The following MAP4 variants were observed in gnomAD, a reference collection of about 807,000 sequenced individuals.
MAP4 encodes the protein microtubule associated protein 4.
A neutral mutation model predicts 170.2 loss-of-function variants in MAP4; 76 were observed. The ratio of observed to expected loss-of-function variants is 0.45; its 90% CI spans 0.37 to 0.54. MAP4 has a LOEUF of 0.54. Among genes scored for constraint, MAP4 ranks in the 20% least tolerant of loss-of-function variants. The pLI, the probability that MAP4 is intolerant of heterozygous loss-of-function variation, is 0.00. For synonymous variants in MAP4, 909 were observed against 994.5 expected, an observed-to-expected ratio of 0.91 and a Z score of 1.62; for missense variants, 2,506 against 2,748.0, an observed-to-expected ratio of 0.91 and a Z score of 1.97.
intron 19 of MAP4, among the ~76,000 whole-genome samples, chr3:47,854,347 G>A (rs1212839947): frequency 1.3e-5 from 2 of 152,198 alleles, no homozygotes; most frequent in Non-Finnish European, 2.9e-5. Flanking sequence ...GACCCCCCCA[G>A]ATGTTCCTGG....
At chr3:48,033,672 C>T (rs1439953047) in intron 1 of MAP4, among the ~76,000 whole-genome samples, 1 of 152,160 alleles carries the variant, frequency 6.6e-6, no homozygotes, top group East Asian at 1.9e-4. Flanking sequence ...AGGATCTCAG[C>T]TCACTGCAAC....
intron 1 of MAP4, among the ~76,000 whole-genome samples, chr3:48,061,813 C>T (rs1162204931): frequency 6.8e-6 from 1 of 147,942 alleles, no homozygotes; most frequent in African/African-American, 2.5e-5. Context: ...CCCCACCCGG[C>T]CAGCCGCCCC....
At chr3:48,036,474 T>G (rs545984446) in intron 1 of MAP4, among the ~76,000 whole-genome samples, 43 of 152,316 alleles carry the variant, frequency 2.8e-4, no homozygotes, top group African/African-American at 1.0e-3. Flanking sequence ...TATTCATCAT[T>G]TATCATATTT....
Position 48,061,819 on chromosome 3 carries a change from G to A in MAP4, c.-20+26954C>T, listed in dbSNP as rs865844753. Among the ~76,000 whole-genome samples the A allele has an allele frequency of 1.4e-3, 178 of 130,692 alleles. 3 individuals are homozygous for A. The South Asian group carries it at 0.026, about 19-fold the overall frequency. 85.7% of individuals were successfully genotyped at this position (130,692 alleles called of 152,430 possible). ...GGGGGCAGCCCCCACCCGGCCAGCC[G>A]CCCCATCCGGGAGGGAGGTGGGGGG... On this transcript the variant is annotated intron_variant, in intron 1 of 18. Transcript: ENST00000360240.
rs148678674 is a variant in MAP4, at chr3:48,036,364, G to A, written c.-19-37485C>T. Reference sequence around the variant, plus strand: ...AGCTCCCTTCACCAACACCACTACCGACCTGACCCTCAAATGTAACACGTG... The same window carrying A: ...AGCTCCCTTCACCAACACCACTACCAACCTGACCCTCAAATGTAACACGTG... On this transcript the variant is annotated intron_variant, in intron 1 of 18. Transcript: ENST00000360240. Among the ~76,000 whole-genome samples, 1,252 of 152,134 alleles carry A rather than the reference G, an allele frequency of 8.2e-3. 21 individuals carry two copies. The highest frequency in any genetic ancestry group is 0.027 in the African/African-American group (1,117 of 41,510).
At chr3:47,940,496 T>C (rs2100055582) in intron 3 of MAP4, among the ~76,000 whole-genome samples, 1 of 152,212 alleles carries the variant, frequency 6.6e-6, no homozygotes, top group Admixed American at 6.5e-5. Flanking sequence ...AAAAAATACT[T>C]ACCACTACCA....
At chr3:47,881,971 T>C (rs2096842881) in intron 10 of MAP4, among the ~76,000 whole-genome samples, 1 of 152,102 alleles carries the variant, frequency 6.6e-6, no homozygotes, top group African/African-American at 2.4e-5. Context: ...CTCAGACCAT[T>C]TGCTTCTAAA....
intron 3 of MAP4, among the ~76,000 whole-genome samples, chr3:47,955,300 C>T (rs1316228937): frequency 6.6e-6 from 1 of 152,060 alleles, no homozygotes; most frequent in Non-Finnish European, 1.5e-5. Context: ...CAAGAACCAC[C>T]AGAAGCACAT....
rs115296302 is a variant in MAP4 at position 48,032,177 on chromosome 3, G to T, written c.-19-33298C>A. Among the ~76,000 whole-genome samples, 338 of 151,980 alleles carry T rather than the reference G, an allele frequency of 2.2e-3. 1 individual carries two copies. Among genetic ancestry groups the T allele is most frequent in the African/African-American group, 7.6e-3 (317 of 41,444 alleles). On this transcript the variant is annotated intron_variant, in intron 1 of 18. Transcript: ENST00000360240. ...TAAGTATGATAACTAAACATAATGT[G>T]GTATCCTAGATGAGATCCTAGAACA... is the stretch of plus-strand genomic sequence containing the variant.
intron 1 of MAP4, among the ~76,000 whole-genome samples, chr3:48,059,470 G>A (rs1394602550): frequency 1.4e-4 from 19 of 138,986 alleles, no homozygotes; most frequent in African/African-American, 3.7e-4. Flanking sequence ...AGCCGAGATC[G>A]TGCCACTGCA....
intron 1 of MAP4, among the ~76,000 whole-genome samples, chr3:48,037,965 G>C (rs1056616841): frequency 6.6e-6 from 1 of 152,050 alleles, no homozygotes; most frequent in Non-Finnish European, 1.5e-5. Context: ...TCAGGAGTTT[G>C]AAACCAGCCT....
At chr3:47,953,152 T>C (rs376912529) in intron 3 of MAP4, among the ~76,000 whole-genome samples, 2 of 152,238 alleles carry the variant, frequency 1.3e-5, no homozygotes, top group African/African-American at 4.8e-5. Flanking sequence ...TGACTATGCA[T>C]TTGTCAAATC....
chr3:48,007,453 T>A (rs1579176908), intron 1 of MAP4, among the ~76,000 whole-genome samples: 1 of 152,074 alleles, frequency 6.6e-6, no homozygotes, highest in South Asian at 2.1e-4. Context: ...CAGTTTTGAG[T>A]GGGGTCCAGA....
intron 1 of MAP4, among the ~76,000 whole-genome samples, chr3:48,054,876 A>G (rs929033897): frequency 2.0e-5 from 3 of 152,120 alleles, no homozygotes; most frequent in Admixed American, 6.6e-5. Context: ...CCAAGAAAGT[A>G]GCAGTCTAGC....
chr3:47,969,798 T>G, intron 3 of MAP4, among the ~76,000 whole-genome samples: 1 of 151,390 alleles, frequency 6.6e-6, no homozygotes, highest in East Asian at 1.9e-4. Flanking sequence ...AGGCAGAGCT[T>G]GCAGTGGGCC....
At chr3:48,075,500 C>G (rs1231163659) in intron 1 of MAP4, among the ~76,000 whole-genome samples, 1 of 151,932 alleles carries the variant, frequency 6.6e-6, no homozygotes, top group Non-Finnish European at 1.5e-5. Flanking sequence ...GCACTCCAGC[C>G]TGGGCAACGG....
chr3:47,928,070 A>G (rs1400959219), intron 4 of MAP4, among the ~76,000 whole-genome samples, 158 bp downstream of exon 4: 1 of 152,248 alleles, frequency 6.6e-6, no homozygotes, highest in African/African-American at 2.4e-5. Flanking sequence ...GTCTCAAAGG[A>G]AAGGATAAAT....
At chr3:47,912,784 T>C (rs2100036635) in intron 8 of MAP4, among the ~76,000 whole-genome samples, 1 of 152,354 alleles carries the variant, frequency 6.6e-6, no homozygotes, top group East Asian at 1.9e-4. Context: ...CTGATTTATA[T>C]TGGTCATTCT....
intron 19 of MAP4, 117 bp from the exon 20 acceptor site, chr3:47,853,469 C>T: frequency 1.3e-6 from 1 of 749,268 alleles, no homozygotes; most frequent in Non-Finnish European, 2.1e-6. Context: ...CACCCACTGG[C>T]TCAAGGCACA....
Sources: allele counts gnomAD v4.1 joint callset (sites outside exome capture counted in the v4.1 genomes callset), GRCh38; gene constraint gnomAD v4.1.1; transcripts MANE v1.5; gene names NCBI Gene and HGNC (gene_info 2026-07-23, HGNC 2026-07-21).